The following ADHFE1 variants were observed in gnomAD, a reference collection of about 807,000 sequenced individuals.
The protein encoded by ADHFE1 is alcohol dehydrogenase iron containing 1.
Under a neutral mutation model 54.8 loss-of-function variants are expected in ADHFE1, and 37 were observed. That is an observed-to-expected ratio of 0.68 (90% confidence interval 0.52 to 0.89). The LOEUF is 0.89. Ranked by LOEUF, ADHFE1 falls within the 40% of genes least tolerant of loss-of-function variation. The pLI is 0.00. For synonymous variants in ADHFE1, 203 were observed against 229.3 expected (o/e 0.89, Z 1.04); for missense variants, 601 against 591.2 (o/e 1.02, Z -0.17).
At chr8:66,444,175 C>G (rs1227126631) in intron 3 of ADHFE1, among the ~76,000 whole-genome samples, 192 bp from the exon 4 acceptor site, 2 of 152,144 alleles carry the variant, frequency 1.3e-5, no homozygotes, top group East Asian at 1.9e-4. Context: ...ATGACAGGAG[C>G]TGAAGTTTGC....
intron 1 of ADHFE1, among the ~76,000 whole-genome samples, chr8:66,434,596 CAT>C (rs962424264): frequency 1.3e-5 from 2 of 152,216 alleles, no homozygotes; most frequent in Non-Finnish European, 1.5e-5. Context: ...TCATTGGGCA[CAT>C]GTTTCATCTG....
At chr8:66,434,436 C>G (rs1169079007) in intron 1 of ADHFE1, among the ~76,000 whole-genome samples, 1 of 152,210 alleles carries the variant, frequency 6.6e-6, no homozygotes, top group African/African-American at 2.4e-5. Context: ...TAGAAGGAAA[C>G]AGCTGAGGGT....
In ADHFE1 at chr8:66,468,874, A is replaced by G. The variant is rs759035775; in HGVS notation, c.*522A>G. 1 of 152,230 alleles carries G rather than the reference A, an allele frequency of 6.6e-6. No homozygotes were observed. The highest frequency in any genetic ancestry group is 1.5e-5 in the Non-Finnish European group (1 of 68,060). 9.4% of individuals were successfully genotyped at this position (152,230 alleles called of 1,614,324 possible). Reference sequence around the variant, plus strand: ...ATACTAGACAGTGGAATACTATGGTACTGTTAATAAAGATGAAGTAAATCT... The same window carrying G: ...ATACTAGACAGTGGAATACTATGGTGCTGTTAATAAAGATGAAGTAAATCT... On this transcript the variant is annotated 3_prime_UTR_variant, in exon 14 of 14. Coordinates refer to ENST00000396623, the MANE Select transcript of ADHFE1 (RefSeq NM_144650.3).
chr8:66,439,465 A>T lies in ADHFE1; in HGVS notation c.60-697A>T. 1 of 986,138 alleles carries T rather than the reference A, an allele frequency of 1.0e-6. No individual in the cohort carries two copies. The highest frequency in any genetic ancestry group is 1.2e-6 in the Non-Finnish European group (1 of 830,342). 61.1% of individuals were successfully genotyped at this position (986,138 alleles called of 1,614,324 possible). ...CACAGCCAGGGGAGGGAGGGTTTCCAAAAAGGAGGACGTGGGAAATCTGTA... is the reference window on the plus strand; with the variant it reads ...CACAGCCAGGGGAGGGAGGGTTTCCTAAAAGGAGGACGTGGGAAATCTGTA... On this transcript the variant is annotated intron_variant, in intron 1 of 13. Coordinates refer to ENST00000396623, the MANE Select transcript of ADHFE1 (RefSeq NM_144650.3). The surrounding 1 kb of genome is among the most constrained non-coding windows in gnomAD (Gnocchi z 4.4).
In ADHFE1 at chr8:66,444,599, A is replaced by G. The variant is rs1243305604; in HGVS notation, c.204A>G (p.Leu68=). The stretch of plus-strand genomic sequence containing the variant: ...ACTTATAGGTTTTCTTGTAGGACCT[A>G]AAAAACATGGGTGCTAAAAATGTGT... ...AAVTKEVGMD[L]KNMGAKNVCL... The change falls in exon 5 of 14, where the codon CTA becomes CTG. Residue 68 remains leucine, a synonymous_variant. Transcript: ENST00000396623. 1 of 1,614,100 alleles carries G rather than the reference A, an allele frequency of 6.2e-7. No homozygotes were observed. The highest frequency in any genetic ancestry group is 1.7e-5 in the Admixed American group (1 of 59,996).
chr8:66,442,813 C>A lies in ADHFE1; in HGVS notation c.113C>A (p.Pro38His). ...ACATTTCTAGCCCCTGGACTTTCAC[C>A]TTCTGGGAAAACAACAGATTATGCC... The part of the protein sequence containing the change: ...HTYSQAPGLS[P>H]SGKTTDYAFE... Residue 38 changes from proline (P) to histidine (H), a missense_variant, in exon 3 of 14, where the codon CCT (proline) becomes CAT (histidine). Pro to His is a moderately conservative substitution (Grantham distance 77). Transcript: ENST00000396623. 1 of 1,595,822 alleles carries A rather than the reference C, an allele frequency of 6.3e-7. No homozygotes were observed.
At chr8:66,467,001 G>A (rs574931011) in intron 13 of ADHFE1, among the ~76,000 whole-genome samples, 4 of 145,612 alleles carry the variant, frequency 2.7e-5, no homozygotes, top group South Asian at 2.2e-4. Flanking sequence ...ATTAAACACA[G>A]GAATGGTAGG....
chr8:66,450,461 G>C (rs946232577), intron 8 of ADHFE1, among the ~76,000 whole-genome samples: 1 of 152,222 alleles, frequency 6.6e-6, no homozygotes, highest in African/African-American at 2.4e-5. Flanking sequence ...CTGTTCTGAA[G>C]GTGGACAAGC....
At chr8:66,460,807 A>G (rs1455495453) in intron 13 of ADHFE1, among the ~76,000 whole-genome samples, 1 of 152,240 alleles carries the variant, frequency 6.6e-6, no homozygotes, top group Non-Finnish European at 1.5e-5. Flanking sequence ...GGGCTCCTAT[A>G]AATAACTATG....
rs115387045 is a variant in ADHFE1 at position 66,435,771 on chromosome 8, G to A, written c.59+3196G>A. ...GGGACTACAGTGCACAACATCATGC[G>A]CAGCTGATTTTATTTTTTGTAGAGA... On this transcript the variant is annotated intron_variant, in intron 1 of 13. Coordinates refer to ENST00000396623, the MANE Select transcript of ADHFE1 (RefSeq NM_144650.3). Among the ~76,000 whole-genome samples, 395 of 151,158 alleles carry A rather than the reference G, an allele frequency of 2.6e-3. 3 individuals are homozygous for A. Among genetic ancestry groups the A allele is most frequent in the African/African-American group, 8.2e-3 (337 of 41,136 alleles).
chr8:66,439,489 T>C lies in ADHFE1; in HGVS notation c.60-673T>C. The stretch of plus-strand genomic sequence containing the variant: ...CAAAAAGGAGGACGTGGGAAATCTG[T>C]AGAGAAGTCGACCGAGAAGTGAGAT... On this transcript the variant is annotated intron_variant, in intron 1 of 13. Coordinates refer to ENST00000396623, the MANE Select transcript of ADHFE1 (RefSeq NM_144650.3). The surrounding 1 kb of genome is among the most constrained non-coding windows in gnomAD (Gnocchi z 4.4). The C allele has an allele frequency of 1.0e-6, 1 of 985,964 alleles. No homozygotes were observed. Among genetic ancestry groups the C allele is most frequent in the Non-Finnish European group, 1.2e-6 (1 of 830,280 alleles). 61.1% of individuals were successfully genotyped at this position (985,964 alleles called of 1,614,324 possible).
At chr8:66,457,219 C>G (rs1806632568) in intron 12 of ADHFE1, 53 bp downstream of exon 12, 26 of 1,542,044 alleles carry the variant, frequency 1.7e-5, no homozygotes, top group Non-Finnish European at 2.2e-5. Context: ...TGGCTCCCAT[C>G]TGTAATCCCA....
At chr8:66,463,764 A>G (rs1807026952) in intron 13 of ADHFE1, among the ~76,000 whole-genome samples, 1 of 152,214 alleles carries the variant, frequency 6.6e-6, no homozygotes, top group African/African-American at 2.4e-5. Context: ...GTCACCAGAA[A>G]GGTTATTCAA....
chr8:66,450,411 A>G (rs1240888939), intron 8 of ADHFE1, among the ~76,000 whole-genome samples: 1 of 152,212 alleles, frequency 6.6e-6, no homozygotes, highest in Non-Finnish European at 1.5e-5. Flanking sequence ...CAAGGGAAAG[A>G]ACACCTGGCC....
At chr8:66,442,309 C>CT (rs1028439051) in intron 2 of ADHFE1, among the ~76,000 whole-genome samples, 6,008 of 133,754 alleles carry the variant, frequency 0.045, 240 homozygotes, top group East Asian at 0.15. Flanking sequence ...TACATTCTAT[C>CT]TTTTTTTTTT....
At chr8:66,454,233 A>G in intron 10 of ADHFE1, 76 bp downstream of exon 10, 1 of 1,437,602 alleles carries the variant, frequency 7.0e-7, no homozygotes, top group Middle Eastern at 1.8e-4. Flanking sequence ...AATTCAGGAC[A>G]GGTGGTAAAA....
intron 13 of ADHFE1, among the ~76,000 whole-genome samples, chr8:66,466,286 A>G: frequency 7.2e-6 from 1 of 138,142 alleles, no homozygotes; most frequent in East Asian, 2.1e-4. Flanking sequence ...GGGTTTCACC[A>G]TGTTGGCCAG....
intron 13 of ADHFE1, among the ~76,000 whole-genome samples, chr8:66,465,819 C>CA (rs1330237510): frequency 6.6e-6 from 1 of 151,920 alleles, no homozygotes; most frequent in East Asian, 1.9e-4. Context: ...AGGATGGTCT[C>CA]AATCTCTTGA....
At chr8:66,435,571 GATC>G (rs1273304713) in intron 1 of ADHFE1, among the ~76,000 whole-genome samples, 1 of 144,772 alleles carries the variant, frequency 6.9e-6, no homozygotes, top group Non-Finnish European at 1.5e-5. Flanking sequence ...GGCCCACACA[GATC>G]ATCCAGAATA....
Sources: allele counts gnomAD v4.1 joint callset (sites outside exome capture counted in the v4.1 genomes callset), GRCh38; gene constraint gnomAD v4.1.1; non-coding constraint Gnocchi (gnomAD v3.1); transcripts MANE v1.5; gene names NCBI Gene and HGNC (gene_info 2026-07-23, HGNC 2026-07-21).